Variants in HBP1 observed in about 807,000 individuals in gnomAD.
HBP1 encodes HMG-box transcription factor 1.
In HBP1, 20 loss-of-function variants were observed where a neutral mutation model predicts 62.6. The observed-to-expected ratio is 0.32, with a 90% CI of 0.22 to 0.46. HBP1 has a LOEUF of 0.46. Ranked by LOEUF, HBP1 falls within the 20% of genes least tolerant of loss-of-function variation. The pLI is 1.00. For missense variants in HBP1, 480 were observed against 611.8 expected, an observed-to-expected ratio of 0.78 and a Z score of 2.27; for synonymous variants, 232 against 206.2, an observed-to-expected ratio of 1.12 and a Z score of -1.07.
intron 1 of HBP1, among the ~76,000 whole-genome samples, chr7:107,176,025 T>C (rs1181373885): frequency 3.9e-5 from 5 of 129,232 alleles, no homozygotes; most frequent in African/African-American, 1.3e-4. Context: ...TTTTTTTCTT[T>C]TTTCATTTTT....
chr7:107,185,691 ATG>A (rs1423399423), intron 3 of HBP1, 108 bp from the exon 4 acceptor site: 2 of 745,508 alleles, frequency 2.7e-6, no homozygotes, highest in African/African-American at 3.5e-5. Flanking sequence ...TTTACCATAA[ATG>A]TGTTCAATGT....
intron 7 of HBP1, 129 bp downstream of exon 7, chr7:107,189,577 T>C: frequency 1.5e-6 from 1 of 650,986 alleles, no homozygotes; most frequent in South Asian, 2.1e-5. Flanking sequence ...AATAAAAAAC[T>C]ACCATAGGGA....
intron 1 of HBP1, among the ~76,000 whole-genome samples, chr7:107,178,277 C>G (rs949093518): frequency 1.3e-5 from 2 of 152,080 alleles, no homozygotes; most frequent in African/African-American, 4.8e-5. Context: ...CCCTAAGTAG[C>G]TGGAACTATA....
At position 107,184,404 on chromosome 7, in the gene HBP1, T is replaced by C. The variant is rs779985024; in HGVS notation, c.399-1397T>C. On this transcript the variant is annotated intron_variant, in intron 3 of 10. Transcript: ENST00000222574. ...TAGATCCTTATGTAAAAGTAATTTC[T>C]GGAAAGGTAAAATGAAAAATGTTAA... Among the ~76,000 whole-genome samples, 3 of 152,330 alleles carry C rather than the reference T, an allele frequency of 2.0e-5. No individual in the cohort carries two copies. The East Asian group carries it at 5.8e-4, about 29-fold the overall frequency.
intron 1 of HBP1, among the ~76,000 whole-genome samples, chr7:107,178,847 A>G (rs1357798107): frequency 6.6e-6 from 1 of 152,182 alleles, no homozygotes; most frequent in Non-Finnish European, 1.5e-5. Context: ...AGCCTGGCCA[A>G]CATGGTGAAA....
chr7:107,189,384 A>C lies in HBP1; in HGVS notation c.858A>C (p.Thr286=), dbSNP rs1437978856. 1 of 1,612,300 alleles carries C rather than the reference A, an allele frequency of 6.2e-7. No homozygotes were observed. The highest frequency in any genetic ancestry group is 1.7e-5 in the Admixed American group (1 of 60,000). The change falls in exon 7 of 11, where the codon ACA becomes ACC. Residue 286 remains threonine, a synonymous_variant. Transcript: ENST00000222574. ...SVLKLTFDPG[T]VEDGLLTVEC... is the part of the protein sequence containing the mutation. ...TGAAGTTGACTTTTGATCCTGGTAC[A>C]GTAGAAGATGGTTTACTTACCGTAG... is the stretch of plus-strand genomic sequence containing the variant.
chr7:107,201,298 A>G, intron 10 of HBP1, 116 bp from the exon 11 acceptor site: 1 of 568,436 alleles, frequency 1.8e-6, no homozygotes, highest in Non-Finnish European at 3.1e-6. Flanking sequence ...CACCTTTAAG[A>G]AAGCAGTATT....
intron 1 of HBP1, among the ~76,000 whole-genome samples, chr7:107,178,079 G>A (rs1796945862): frequency 6.6e-6 from 1 of 152,078 alleles, no homozygotes; most frequent in African/African-American, 2.4e-5. Context: ...TTGACTTTCA[G>A]TGACTTTTAA....
chr7:107,171,192 C>T (rs1222447313), intron 1 of HBP1, among the ~76,000 whole-genome samples: 1 of 149,806 alleles, frequency 6.7e-6, no homozygotes, highest in Non-Finnish European at 1.5e-5. Context: ...GCCTCAGCCT[C>T]CTGAGTAGCT....
rs909780620 is a variant in HBP1 at position 107,169,088 on chromosome 7, G to A, written c.-113G>A. On this transcript the variant is annotated 5_prime_UTR_variant, in exon 1 of 11. Transcript: ENST00000222574. ...GCCGCGGGAGCAGTAACCCGCGCGG[G>A]GGAGGCCGACGTCGGTCGGAGAGGG... The A allele has an allele frequency of 1.4e-5, 18 of 1,286,058 alleles. No individual in the cohort carries two copies. The highest frequency in any genetic ancestry group is 1.8e-5 in the Non-Finnish European group (18 of 986,790). The allele number at this position is 1,286,058 out of a possible 1,614,324, so 79.7% of individuals were successfully genotyped here. A position where few individuals can be genotyped will look rare whatever the true frequency, so the allele number is the denominator to read the frequency against.
intron 1 of HBP1, chr7:107,169,807 G>GA (rs1796466101): frequency 1.0e-6 from 1 of 985,340 alleles, no homozygotes; most frequent in African/African-American, 1.7e-5. Flanking sequence ...GCGGTCACAT[G>GA]ATGGGGGGAA....
At chr7:107,174,943 T>C (rs777888830) in intron 1 of HBP1, among the ~76,000 whole-genome samples, 11 of 152,136 alleles carry the variant, frequency 7.2e-5, no homozygotes, top group Non-Finnish European at 1.5e-4. Context: ...ATTAGGTGTT[T>C]AAAGAACTCA....
intron 9 of HBP1, among the ~76,000 whole-genome samples, chr7:107,199,167 C>T (rs1247499004): frequency 1.3e-5 from 2 of 152,100 alleles, no homozygotes; most frequent in Admixed American, 6.5e-5. Context: ...CTCACTGCAA[C>T]CTCTGCCTCC....
intron 6 of HBP1, among the ~76,000 whole-genome samples, chr7:107,188,107 A>C (rs535126575): frequency 4.8e-4 from 73 of 152,276 alleles, no homozygotes; most frequent in Non-Finnish European, 4.7e-4. Flanking sequence ...GGATTGGATT[A>C]GTTTTAAGGT....
chr7:107,169,235 C>T lies in HBP1; in HGVS notation c.-16+50C>T, dbSNP rs115287804. The T allele has an allele frequency of 3.6e-3, 2,126 of 593,838 alleles. 82 individuals are homozygous for T. In the African/African-American group the frequency reaches 0.055, roughly 15 times the overall value. The allele number at this position is 593,838 out of a possible 1,614,324, so 36.8% of individuals were successfully genotyped here. On this transcript the variant is annotated intron_variant, in intron 1 of 10. Transcript: ENST00000222574. ...GAGGTGGGGGTGGGGAAGGGAGGGG[C>T]AGGAGCGCGGGGGATTGGGCAGACT...
At chr7:107,176,877 A>G (rs1429444629) in intron 1 of HBP1, among the ~76,000 whole-genome samples, 1 of 152,170 alleles carries the variant, frequency 6.6e-6, no homozygotes, top group African/African-American at 2.4e-5. Context: ...AGTACATTGT[A>G]CTAAACTGGA....
rs1217922579 is a variant in HBP1 at position 107,169,114 on chromosome 7, G to A, written c.-87G>A. On this transcript the variant is annotated 5_prime_UTR_variant, in exon 1 of 11. Transcript: ENST00000222574. ...GGAGGCCGACGTCGGTCGGAGAGGG[G>A]GTACGAGAGCTGCTGGTGGTGTTGT... 3 of 1,273,588 alleles carry A rather than the reference G, an allele frequency of 2.4e-6. No individual in the cohort carries two copies. Among genetic ancestry groups the A allele is most frequent in the East Asian group, 1.1e-4 (2 of 17,454 alleles). 78.9% of individuals were successfully genotyped at this position (1,273,588 alleles called of 1,614,324 possible).
At chr7:107,199,023 A>T (rs1798067097) in intron 9 of HBP1, among the ~76,000 whole-genome samples, 1 of 152,180 alleles carries the variant, frequency 6.6e-6, no homozygotes, top group African/African-American at 2.4e-5. Flanking sequence ...TGGTACCTGT[A>T]ACCCAAGACT....
intron 7 of HBP1, chr7:107,189,735 T>C: frequency 3.9e-6 from 1 of 257,322 alleles, no homozygotes; most frequent in Non-Finnish European, 7.4e-6. Flanking sequence ...AGTGATCTAG[T>C]AATCACATTT....
Sources: allele counts gnomAD v4.1 joint callset (sites outside exome capture counted in the v4.1 genomes callset), GRCh38; gene constraint gnomAD v4.1.1; transcripts MANE v1.5; gene names NCBI Gene and HGNC (gene_info 2026-07-23, HGNC 2026-07-21).